OSBPL6: variants seen among roughly 807,000 people sequenced by gnomAD.
The protein encoded by OSBPL6 is oxysterol-binding protein-related protein 6.
OSBPL6 carries 49 observed loss-of-function variants against 125.8 expected under a neutral mutation model. The observed-to-expected ratio is 0.39, with a 90% CI of 0.31 to 0.49. The LOEUF (loss-of-function observed/expected upper bound fraction) is 0.49, where lower values mean the gene tolerates loss of function less well. Among genes scored for constraint, OSBPL6 ranks in the 20% least tolerant of loss-of-function variants. The probability of loss-of-function intolerance (pLI) is 0.88; values close to 1 mark genes in which losing one functional copy is unlikely to be tolerated. For synonymous variants in OSBPL6, 394 were observed against 391.8 expected, an observed-to-expected ratio of 1.01 and a Z score of -0.07; for missense variants, 986 against 1,135.4, an observed-to-expected ratio of 0.87 and a Z score of 1.89.
At position 178,385,504 on chromosome 2, in the gene OSBPL6, A is replaced by G; in HGVS notation, c.2060A>G (p.Asn687Ser). Residue 687 changes from asparagine to serine, a missense_variant, in exon 19 of 25, where the codon AAT becomes AGT. Asn to Ser is a conservative substitution (Grantham distance 46, BLOSUM62 1). This residue lies in a region of OSBPL6 where 843 missense variants were observed against 997.3 expected (regional missense o/e 0.85). Coordinates refer to ENST00000190611, the MANE Select transcript of OSBPL6 (RefSeq NM_032523.4). ...PISACHCESK[N>S]FVFWQDIRWK... The stretch of plus-strand genomic sequence containing the variant: ...TCTGCCTGTCACTGTGAATCAAAGA[A>G]TTTTGTGTTTTGGCAAGGTTTGTAT... The G allele has an allele frequency of 6.2e-7, 1 of 1,610,538 alleles. No homozygotes were observed. Among genetic ancestry groups the G allele is most frequent in the South Asian group, 1.1e-5 (1 of 90,936 alleles).
rs372586762 is a variant in OSBPL6, at chr2:178,336,297, G to A, written c.658-4G>A. 3.3e-5 allele frequency: 54 copies of A among 1,612,910 alleles called. No individual in the cohort carries two copies. Among genetic ancestry groups the A allele is most frequent in the South Asian group, 9.9e-5 (9 of 90,886 alleles). ...ACCATACAATTCATCTTTGTTTGCC[G>A]TAGATGCAACCAAACAGCTTTCCGT... On this transcript the variant is annotated splice_polypyrimidine_tract_variant and splice_region_variant and intron_variant, in intron 8 of 24. Coordinates refer to ENST00000190611, the MANE Select transcript of OSBPL6 (RefSeq NM_032523.4).
intron 1 of OSBPL6, among the ~76,000 whole-genome samples, chr2:178,240,740 A>G (rs942527766): frequency 1.3e-5 from 2 of 152,174 alleles, no homozygotes; most frequent in Non-Finnish European, 2.9e-5. Context: ...GCGACAGAAC[A>G]AGACTCCTTC....
At chr2:178,299,099 A>G (rs1574797818) in intron 2 of OSBPL6, among the ~76,000 whole-genome samples, 1 of 152,256 alleles carries the variant, frequency 6.6e-6, no homozygotes, top group East Asian at 1.9e-4. Context: ...TTCTGTTAAA[A>G]TATGAGCTAT....
chr2:178,365,229 A>G (rs1391826838), intron 13 of OSBPL6, among the ~76,000 whole-genome samples: 1 of 152,132 alleles, frequency 6.6e-6, no homozygotes, highest in Non-Finnish European at 1.5e-5. Flanking sequence ...TTTAAAGCCT[A>G]TGTTTTATTT....
chr2:178,225,206 T>A (rs79705828), intron 1 of OSBPL6, among the ~76,000 whole-genome samples: 6,465 of 150,290 alleles, frequency 0.043, 188 homozygotes, highest in Middle Eastern at 0.099. Context: ...AGCAGTAAGC[T>A]GACCACAGAA....
intron 15 of OSBPL6, among the ~76,000 whole-genome samples, chr2:178,377,067 G>A (rs1693941225): frequency 6.6e-6 from 1 of 152,164 alleles, no homozygotes; most frequent in South Asian, 2.1e-4. Context: ...ATCTGCCCAA[G>A]TCTCTAAGTT....
intron 2 of OSBPL6, among the ~76,000 whole-genome samples, chr2:178,299,640 C>G (rs1226829532): frequency 6.6e-6 from 1 of 152,038 alleles, no homozygotes; most frequent in African/African-American, 2.4e-5. Context: ...ATAATATTGC[C>G]AAGTCATTAA....
chr2:178,326,428 G>T (rs921129150), intron 4 of OSBPL6, among the ~76,000 whole-genome samples: 51 of 152,138 alleles, frequency 3.4e-4, no homozygotes, highest in Non-Finnish European at 7.4e-4. Flanking sequence ...TCACATTATG[G>T]CTTTTAGCTC....
At chr2:178,371,989 G>T in intron 13 of OSBPL6, 137 bp from the exon 14 acceptor site, 1 of 556,422 alleles carries the variant, frequency 1.8e-6, no homozygotes, top group Non-Finnish European at 3.1e-6. Flanking sequence ...TGCTGGTAGG[G>T]TCTGGCTCAT....
In OSBPL6 at chr2:178,287,870, G is replaced by A. The variant is rs145601316; in HGVS notation, c.-156+2749G>A. Among the ~76,000 whole-genome samples, 28 of 152,104 alleles carry A rather than the reference G, an allele frequency of 1.8e-4. No homozygotes were observed. In the East Asian group the frequency reaches 5.0e-3, roughly 27 times the overall value. On this transcript the variant is annotated intron_variant, in intron 2 of 24. Transcript: ENST00000190611. ...CACATTCCATTTCCTTTAACTCCCT[G>A]AGGAAGTGACAACTAAGACCGAAAA...
intron 1 of OSBPL6, among the ~76,000 whole-genome samples, chr2:178,249,980 T>A (rs1397047532): frequency 3.9e-5 from 6 of 152,156 alleles, no homozygotes; most frequent in Non-Finnish European, 7.4e-5. Context: ...CATTTCAAAC[T>A]TTAAGTACAC....
intron 12 of OSBPL6, among the ~76,000 whole-genome samples, chr2:178,355,142 C>T (rs1691659485): frequency 6.6e-6 from 1 of 151,988 alleles, no homozygotes; most frequent in South Asian, 2.1e-4. Flanking sequence ...CAGGAAGATC[C>T]AAAAACCAAC....
intron 12 of OSBPL6, among the ~76,000 whole-genome samples, chr2:178,352,752 C>A (rs566693120): frequency 6.6e-6 from 1 of 152,298 alleles, no homozygotes; most frequent in Admixed American, 6.5e-5. Context: ...CCCAGCATGG[C>A]ATCTGAGCTT....
intron 4 of OSBPL6, among the ~76,000 whole-genome samples, chr2:178,325,727 A>G (rs1037162063): frequency 1.3e-5 from 2 of 152,198 alleles, no homozygotes; most frequent in African/African-American, 4.8e-5. Flanking sequence ...GTACATATCA[A>G]TATTGTTCTC....
intron 2 of OSBPL6, among the ~76,000 whole-genome samples, chr2:178,287,608 C>T (rs1247271235): frequency 6.6e-6 from 1 of 152,106 alleles, no homozygotes; most frequent in Non-Finnish European, 1.5e-5. Context: ...GAGAAAAAAA[C>T]TGAATTCTTT....
intron 13 of OSBPL6, among the ~76,000 whole-genome samples, chr2:178,370,288 T>G (rs1200894026): frequency 2.6e-5 from 4 of 152,038 alleles, no homozygotes; most frequent in Non-Finnish European, 5.9e-5. Flanking sequence ...ACAACAAAAC[T>G]GTGATTCTGC....
chr2:178,290,076 T>C (rs988405479), intron 2 of OSBPL6, among the ~76,000 whole-genome samples: 3 of 152,212 alleles, frequency 2.0e-5, no homozygotes, highest in Non-Finnish European at 2.9e-5. Flanking sequence ...CATGATTTTG[T>C]CAGCCAATAA....
chr2:178,206,190 A>G (rs2089518751), intron 1 of OSBPL6, among the ~76,000 whole-genome samples: 1 of 152,194 alleles, frequency 6.6e-6, no homozygotes. Context: ...AGTATTTTCC[A>G]ACAGGTAGAA....
intron 12 of OSBPL6, among the ~76,000 whole-genome samples, chr2:178,353,224 C>T (rs889471562): frequency 6.6e-6 from 1 of 152,174 alleles, no homozygotes; most frequent in Admixed American, 6.5e-5. Context: ...AGCAATGGAA[C>T]AAAGCTGGAT....
Sources: allele counts gnomAD v4.1 joint callset (sites outside exome capture counted in the v4.1 genomes callset), GRCh38; gene constraint gnomAD v4.1.1; regional missense constraint gnomAD v4.1.1; transcripts MANE v1.5; gene names NCBI Gene and HGNC (gene_info 2026-07-23, HGNC 2026-07-21).